Variants in OPCML observed in about 807,000 individuals in gnomAD.
OPCML encodes the protein opioid-binding protein/cell adhesion molecule.
Under a neutral mutation model 37.8 loss-of-function variants are expected in OPCML, and 13 were observed. That is an observed-to-expected ratio of 0.34 (90% CI 0.22 to 0.55). The LOEUF is 0.55. Among genes scored for constraint, OPCML ranks in the 20% least tolerant of loss-of-function variants. OPCML has a pLI of 0.91. For synonymous variants in OPCML, 176 were observed against 168.8 expected (o/e 1.04, Z -0.33); for missense variants, 341 against 435.6 (o/e 0.78, Z 1.93).
chr11:133,041,170 T>C (rs1435720279), intron 1 of OPCML, among the ~76,000 whole-genome samples: 1 of 152,200 alleles, frequency 6.6e-6, no homozygotes, highest in East Asian at 1.9e-4. Flanking sequence ...TTCTTACTCA[T>C]GGGAACATGT....
At chr11:133,126,780 G>A (rs1949523901) in intron 1 of OPCML, among the ~76,000 whole-genome samples, 1 of 152,068 alleles carries the variant, frequency 6.6e-6, no homozygotes, top group South Asian at 2.1e-4. Context: ...AAAGATACTG[G>A]GCCTGGAATT....
chr11:132,738,828 A>G (rs1009336289), intron 2 of OPCML, among the ~76,000 whole-genome samples: 1 of 152,234 alleles, frequency 6.6e-6, no homozygotes, highest in African/African-American at 2.4e-5. Context: ...CTGTAGTAGC[A>G]TGTGGTACCT....
rs1210025761 is a variant in OPCML, at chr11:133,253,830, ATTCCCTTCCCTTCCCTTCCC to A, written c.61+278414_61+278433del. On this transcript the variant is annotated intron_variant, in intron 1 of 7. Coordinates refer to ENST00000524381, the MANE Select transcript of OPCML (RefSeq NM_001012393.5). Reference sequence around the variant, plus strand: ...TTTTTCCCTCCTTCCCTTCCCTTCCATTCCCTTCCCTTCCCTTCCCTTCCCTTCCCTTCCCTTCCCTTCCC... The same window carrying A: ...TTTTTCCCTCCTTCCCTTCCCTTCCATTCCCTTCCCTTCCCTTCCCTTCCC... Among the ~76,000 whole-genome samples the A allele has an allele frequency of 8.3e-4, 60 of 71,924 alleles. 1 individual carries two copies. The highest frequency in any genetic ancestry group is 3.1e-3 in the African/African-American group (57 of 18,352). The allele number at this position is 71,924 out of a possible 152,430, so 47.2% of individuals were successfully genotyped here. A position where few individuals can be genotyped will look rare whatever the true frequency, so the allele number is the denominator to read the frequency against.
intron 1 of OPCML, among the ~76,000 whole-genome samples, chr11:133,092,278 T>C (rs955108730): frequency 1.3e-5 from 2 of 152,118 alleles, no homozygotes. Context: ...TGTTTATAAA[T>C]TACCCGGTCT....
chr11:133,005,658 G>A (rs1301599570), intron 1 of OPCML: 2 of 980,820 alleles, frequency 2.0e-6, no homozygotes, highest in African/African-American at 3.5e-5. Context: ...AAAAAAAACT[G>A]TTATGCATGG....
chr11:132,659,100 T>C (rs921829493), intron 2 of OPCML, among the ~76,000 whole-genome samples: 1 of 152,236 alleles, frequency 6.6e-6, no homozygotes, highest in Admixed American at 6.5e-5. Context: ...CACATCATTA[T>C]AGAAATGTCA....
At chr11:132,847,322 A>C (rs1367061307) in intron 2 of OPCML, among the ~76,000 whole-genome samples, 7 of 152,034 alleles carry the variant, frequency 4.6e-5, no homozygotes, top group Admixed American at 2.0e-4. Flanking sequence ...ATGTATATCC[A>C]TTGCATTAGA....
intron 2 of OPCML, among the ~76,000 whole-genome samples, chr11:132,792,091 T>C (rs1937954392): frequency 6.6e-6 from 1 of 152,266 alleles, no homozygotes; most frequent in Admixed American, 6.5e-5. Context: ...AAAAGTACAA[T>C]GGGAGGAAGC....
At chr11:133,013,013 T>A (rs190600306) in intron 1 of OPCML, among the ~76,000 whole-genome samples, 1 of 152,328 alleles carries the variant, frequency 6.6e-6, no homozygotes, top group East Asian at 1.9e-4. Flanking sequence ...GCACCTCTCA[T>A]GGGACTTGGC....
At chr11:133,267,129 G>A (rs1263624091) in intron 1 of OPCML, among the ~76,000 whole-genome samples, 11 of 152,206 alleles carry the variant, frequency 7.2e-5, no homozygotes, top group Non-Finnish European at 1.5e-5. Context: ...GGAATGCAAT[G>A]TGTTGGAAAG....
At chr11:132,685,497 G>A (rs1228866653) in intron 2 of OPCML, among the ~76,000 whole-genome samples, 1 of 152,168 alleles carries the variant, frequency 6.6e-6, no homozygotes, top group African/African-American at 2.4e-5. Context: ...TGTGGGGCAA[G>A]TTTCTCTTAG....
intron 1 of OPCML, among the ~76,000 whole-genome samples, chr11:133,090,783 A>G (rs1948893822): frequency 6.6e-6 from 1 of 152,230 alleles, no homozygotes; most frequent in Non-Finnish European, 1.5e-5. Context: ...GCAGAACTTA[A>G]AGATTGGGAA....
chr11:132,503,566 A>G (rs1013478531), intron 4 of OPCML, among the ~76,000 whole-genome samples: 4 of 152,218 alleles, frequency 2.6e-5, no homozygotes, highest in African/African-American at 9.7e-5. Flanking sequence ...ATTATAACTG[A>G]GGAACTCTAA....
intron 1 of OPCML, among the ~76,000 whole-genome samples, chr11:132,982,927 C>T (rs1176035293): frequency 6.8e-6 from 1 of 147,956 alleles, no homozygotes; most frequent in Non-Finnish European, 1.5e-5. Flanking sequence ...TTGTAAATCA[C>T]AGAGTTGATA....
At chr11:132,754,684 G>A (rs1945974865) in intron 2 of OPCML, among the ~76,000 whole-genome samples, 1 of 152,152 alleles carries the variant, frequency 6.6e-6, no homozygotes, top group African/African-American at 2.4e-5. Flanking sequence ...GGACCACAGA[G>A]TAAGTGACTA....
At chr11:133,103,363 T>C (rs1188440448) in intron 1 of OPCML, among the ~76,000 whole-genome samples, 1 of 152,152 alleles carries the variant, frequency 6.6e-6, no homozygotes, top group African/African-American at 2.4e-5. Context: ...AAATAAAATC[T>C]AAAATATGTC....
intron 2 of OPCML, among the ~76,000 whole-genome samples, chr11:132,823,708 G>A (rs1454211783): frequency 6.6e-6 from 1 of 151,920 alleles, no homozygotes; most frequent in Admixed American, 6.6e-5. Context: ...TTCTATATAT[G>A]CTTTGTCTCC....
intron 1 of OPCML, among the ~76,000 whole-genome samples, chr11:133,034,216 C>T (rs139219475): frequency 1.6e-3 from 237 of 152,146 alleles, no homozygotes; most frequent in African/African-American, 5.2e-3. Flanking sequence ...GTTTGTACTT[C>T]TCTATGGGGC....
intron 2 of OPCML, among the ~76,000 whole-genome samples, chr11:132,795,613 G>A (rs58247148): frequency 0.061 from 9,263 of 152,230 alleles, 715 homozygotes; most frequent in African/African-American, 0.18. Flanking sequence ...TACTGTCTGT[G>A]TCTATAGATT....
Sources: allele counts gnomAD v4.1 joint callset (sites outside exome capture counted in the v4.1 genomes callset), GRCh38; gene constraint gnomAD v4.1.1; transcripts MANE v1.5; gene names NCBI Gene and HGNC (gene_info 2026-07-23, HGNC 2026-07-21).